MOB1A: variants seen among roughly 807,000 people sequenced by gnomAD.
MOB1A encodes the protein MOB1 Mps One Binder homolog A.
Under a neutral mutation model 25.1 loss-of-function variants are expected in MOB1A, and 10 were observed. The ratio of observed to expected loss-of-function variants is 0.40; its 90% confidence interval spans 0.25 to 0.68. The LOEUF is 0.68. Among genes scored for constraint, MOB1A ranks in the 30% least tolerant of loss-of-function variants. The pLI is 0.40. For synonymous variants in MOB1A, 81 were observed against 79.5 expected (o/e 1.02, Z -0.10); for missense variants, 177 against 256.3 (o/e 0.69, Z 2.11).
intron 4 of MOB1A, among the ~76,000 whole-genome samples, chr2:74,160,126 T>G (rs555651635): frequency 6.6e-6 from 1 of 152,310 alleles, no homozygotes; most frequent in African/African-American, 2.4e-5. Context: ...TTTCTGAAAT[T>G]AAATGCAACA....
intron 1 of MOB1A, 65 bp from the exon 2 acceptor site, chr2:74,172,817 T>G: frequency 2.0e-6 from 3 of 1,478,476 alleles, no homozygotes; most frequent in Non-Finnish European, 2.8e-6. Context: ...TAGAACAACA[T>G]AATTTTAGGT....
At position 74,154,268 on chromosome 2, in the gene MOB1A, C is replaced by T. The variant is rs995409987; in HGVS notation, c.*2300G>A. On this transcript the variant is annotated 3_prime_UTR_variant, in exon 6 of 6. Transcript: ENST00000396049. ...GCCCTCTAGCCAACTCAGGAAGGCG[C>T]CATCCTCTTCCCATTATCTCCCCTT... The T allele has an allele frequency of 1.3e-5, 2 of 152,120 alleles. No homozygotes were observed. The highest frequency in any genetic ancestry group is 2.9e-5 in the Non-Finnish European group (2 of 68,030). The allele number at this position is 152,120 out of a possible 1,614,324, so 9.4% of individuals were successfully genotyped here. A position where few individuals can be genotyped will look rare whatever the true frequency, so the allele number is the denominator to read the frequency against.
chr2:74,158,344 T>C (rs1374609221), intron 5 of MOB1A, among the ~76,000 whole-genome samples: 2 of 152,144 alleles, frequency 1.3e-5, no homozygotes. Context: ...GTATCTACTA[T>C]AAAGCTACCA....
intron 1 of MOB1A, among the ~76,000 whole-genome samples, chr2:74,176,251 A>G (rs372107381): frequency 8.6e-4 from 87 of 100,738 alleles, no homozygotes; most frequent in East Asian, 5.8e-3. Flanking sequence ...ACTCCAGCCT[A>G]GGCAACAGAG....
chr2:74,166,901 A>G, intron 3 of MOB1A, 113 bp downstream of exon 3: 4 of 737,364 alleles, frequency 5.4e-6, no homozygotes, highest in Non-Finnish European at 9.2e-6. Flanking sequence ...AAGAACCAAT[A>G]AAACTGAATC....
intron 4 of MOB1A, among the ~76,000 whole-genome samples, chr2:74,161,331 T>C (rs1360916643): frequency 1.3e-5 from 2 of 152,184 alleles, no homozygotes; most frequent in Non-Finnish European, 2.9e-5. Context: ...GGGCAGGATC[T>C]TGTATTCATG....
At position 74,155,982 on chromosome 2, in the gene MOB1A, A is replaced by G. The variant is rs1572951605; in HGVS notation, c.*586T>C. On this transcript the variant is annotated 3_prime_UTR_variant, in exon 6 of 6. Transcript: ENST00000396049. ...TATGATGATTTAAACTGCAATCATG[A>G]ATTTTGAAAAAATAGACGTATCTTA... 6.6e-6 allele frequency: 1 copy of G among 152,654 alleles called. No homozygotes were observed. The highest frequency in any genetic ancestry group is 1.5e-5 in the Non-Finnish European group (1 of 68,038). 9.5% of individuals were successfully genotyped at this position (152,654 alleles called of 1,614,324 possible).
rs573281182 is a variant in MOB1A at position 74,178,457 on chromosome 2, T to C, written c.14+204A>G. 10 of 376,376 alleles carry C rather than the reference T, an allele frequency of 2.7e-5. No individual in the cohort carries two copies. In the East Asian group the frequency reaches 3.8e-4, roughly 14 times the overall value. 23.3% of individuals were successfully genotyped at this position (376,376 alleles called of 1,614,324 possible). On this transcript the variant is annotated intron_variant, in intron 1 of 5. Coordinates refer to ENST00000396049, the MANE Select transcript of MOB1A (RefSeq NM_018221.5). ...CCTTTCTACTCCCCAGCCTTCACGC[T>C]CCGTTTCCTTTACTTCGACCTTCAT...
At chr2:74,166,345 C>T (rs1367489916) in intron 3 of MOB1A, among the ~76,000 whole-genome samples, 2 of 152,080 alleles carry the variant, frequency 1.3e-5, no homozygotes, top group East Asian at 3.8e-4. Flanking sequence ...ACTAAAAACT[C>T]TTCCAAGAAA....
chr2:74,159,428 A>C (rs757171097), intron 4 of MOB1A, among the ~76,000 whole-genome samples, 174 bp from the exon 5 acceptor site: 42 of 151,986 alleles, frequency 2.8e-4, no homozygotes, highest in Admixed American at 1.4e-3. Context: ...AATAACCTGC[A>C]CTACACGCCA....
At chr2:74,160,731 A>C (rs1452889398) in intron 4 of MOB1A, among the ~76,000 whole-genome samples, 1 of 151,700 alleles carries the variant, frequency 6.6e-6, no homozygotes, top group Admixed American at 6.6e-5. Flanking sequence ...TTTAGAAAAC[A>C]ACGGGGGTAG....
intron 5 of MOB1A, 34 bp downstream of exon 5, chr2:74,159,057 C>A: frequency 1.2e-6 from 2 of 1,609,230 alleles, no homozygotes; most frequent in South Asian, 2.2e-5. Flanking sequence ...AAGTCCAAGT[C>A]ACAGGACACA....
chr2:74,172,343 ATTC>A (rs1196312458), intron 2 of MOB1A, among the ~76,000 whole-genome samples: 4 of 152,280 alleles, frequency 2.6e-5, no homozygotes, highest in South Asian at 2.1e-4. Flanking sequence ...TTTTCATACT[ATTC>A]TTCTTAGAAA....
chr2:74,157,762 G>T (rs964474170), intron 5 of MOB1A, among the ~76,000 whole-genome samples: 8 of 152,104 alleles, frequency 5.3e-5, no homozygotes, highest in Non-Finnish European at 5.9e-5. Flanking sequence ...GATAAAGGGA[G>T]TTTGTTTTTT....
rs35382378 is a variant in MOB1A, at chr2:74,173,376, G to GTTTT, written c.15-628_15-625dup. Among the ~76,000 whole-genome samples the GTTTT allele has an allele frequency of 1.3e-3, 122 of 93,310 alleles. 1 individual carries two copies. Among genetic ancestry groups the GTTTT allele is most frequent in the Admixed American group, 2.7e-3 (21 of 7,872 alleles). The allele number at this position is 93,310 out of a possible 152,430, so 61.2% of individuals were successfully genotyped here. A position where few individuals can be genotyped will look rare whatever the true frequency, so the allele number is the denominator to read the frequency against. Reference sequence around the variant, plus strand: ...GAACCTTCTTTTGGCCTCAATTTCGGTTTTTTTTTTTTTTTTTTTTTTGAG... The same window carrying GTTTT: ...GAACCTTCTTTTGGCCTCAATTTCGGTTTTTTTTTTTTTTTTTTTTTTTTTTGAG... On this transcript the variant is annotated intron_variant, in intron 1 of 5. Transcript: ENST00000396049.
intron 5 of MOB1A, among the ~76,000 whole-genome samples, chr2:74,158,284 G>A (rs977653794): frequency 6.6e-6 from 1 of 150,418 alleles, no homozygotes; most frequent in Admixed American, 6.6e-5. Context: ...AACAATCTGA[G>A]AAGGAAGATC....
chr2:74,167,178 A>C (rs373701864), intron 2 of MOB1A, 71 bp from the exon 3 acceptor site: 1 of 1,147,530 alleles, frequency 8.7e-7, no homozygotes, highest in Non-Finnish European at 1.3e-6. Context: ...GTTGAAGGAA[A>C]AACAGACAAT....
intron 3 of MOB1A, among the ~76,000 whole-genome samples, chr2:74,166,496 T>G (rs889119867): frequency 1.3e-5 from 2 of 152,164 alleles, no homozygotes; most frequent in Admixed American, 1.3e-4. Flanking sequence ...TGATGCAACA[T>G]AAAAATGAAA....
chr2:74,176,083 TACACACACACAC>T (rs58496712), intron 1 of MOB1A, among the ~76,000 whole-genome samples: 47,257 of 129,162 alleles, frequency 0.37, 8,310 homozygotes, highest in Middle Eastern at 0.47. Context: ...CCGCCTCTAC[TACACACACACAC>T]ACACACACAC....
Sources: allele counts gnomAD v4.1 joint callset (sites outside exome capture counted in the v4.1 genomes callset), GRCh38; gene constraint gnomAD v4.1.1; transcripts MANE v1.5; gene names NCBI Gene and HGNC (gene_info 2026-07-23, HGNC 2026-07-21).